The following CRIM1 variants were observed in gnomAD, a reference collection of about 807,000 sequenced individuals.
CRIM1 encodes cysteine-rich motor neuron 1 protein.
Under a neutral mutation model 116.4 loss-of-function variants are expected in CRIM1, and 32 were observed. The observed-to-expected ratio is 0.27, with a 90% CI of 0.21 to 0.37. The LOEUF is 0.37. Ranked by LOEUF, CRIM1 falls within the 10% of genes least tolerant of loss-of-function variation. The probability of loss-of-function intolerance (pLI) is 1.00; values close to 1 mark genes in which losing one functional copy is unlikely to be tolerated. For synonymous variants in CRIM1, 590 were observed against 509.2 expected, an observed-to-expected ratio of 1.16 and a Z score of -2.13; for missense variants, 1,331 against 1,354.8, an observed-to-expected ratio of 0.98 and a Z score of 0.28.
chr2:36,488,133 G>A (rs1170601224), intron 7 of CRIM1, among the ~76,000 whole-genome samples: 18 of 152,202 alleles, frequency 1.2e-4, no homozygotes, highest in Admixed American at 1.2e-3. Context: ...ACTGAAGATA[G>A]TGAAAAATCC....
chr2:36,514,900 GA>G lies in CRIM1; in HGVS notation c.1990+1139del, dbSNP rs1333306963. 5.9e-5 allele frequency among the ~76,000 whole-genome samples: 9 copies of G among 152,208 alleles called. No homozygotes were observed. The South Asian group carries it at 6.2e-4, about 11-fold the overall frequency. The stretch of plus-strand genomic sequence containing the variant: ...TGACAGGCAGCTCCCATACCTTGTA[GA>G]AAACGAGATTACAATGCAGAAGAGA... On this transcript the variant is annotated intron_variant, in intron 11 of 16. Transcript: ENST00000280527.
intron 13 of CRIM1, among the ~76,000 whole-genome samples, chr2:36,525,148 T>G (rs934059711): frequency 6.6e-6 from 1 of 152,214 alleles, no homozygotes; most frequent in African/African-American, 2.4e-5. Context: ...TATTCACTCG[T>G]TCATCTTAAT....
At chr2:36,509,936 G>A in intron 8 of CRIM1, 47 bp from the exon 9 acceptor site, 1 of 1,581,842 alleles carries the variant, frequency 6.3e-7, no homozygotes, top group Non-Finnish European at 8.6e-7. Flanking sequence ...GAAGTGTTCT[G>A]CTCTGTTCAT....
chr2:36,484,771 A>G (rs986698040), intron 7 of CRIM1, among the ~76,000 whole-genome samples: 3 of 152,202 alleles, frequency 2.0e-5, no homozygotes, highest in African/African-American at 7.2e-5. Context: ...CCAACACCAG[A>G]GTATCACTTT....
chr2:36,549,954 C>G lies in CRIM1; in HGVS notation c.*1253C>G, dbSNP rs1225642961. The G allele has an allele frequency of 6.6e-6, 1 of 152,228 alleles. No homozygotes were observed. The highest frequency in any genetic ancestry group is 1.9e-4 in the East Asian group (1 of 5,178). The allele number at this position is 152,228 out of a possible 1,614,324, so 9.4% of individuals were successfully genotyped here. A position where few individuals can be genotyped will look rare whatever the true frequency, so the allele number is the denominator to read the frequency against. On this transcript the variant is annotated 3_prime_UTR_variant, in exon 17 of 17. Coordinates refer to ENST00000280527, the MANE Select transcript of CRIM1 (RefSeq NM_016441.3). ...GATAAACAGGCATTCCATAGCAGTG[C>G]TTTTGATCACTTACAAATTTTTTGA... is the stretch of plus-strand genomic sequence containing the variant.
chr2:36,429,105 G>A (rs1201743764), intron 2 of CRIM1, among the ~76,000 whole-genome samples: 1 of 152,192 alleles, frequency 6.6e-6, no homozygotes, highest in Non-Finnish European at 1.5e-5. Context: ...AAAGCTGAAA[G>A]GAACTTAGGT....
At position 36,396,587 on chromosome 2, in the gene CRIM1, ATTATCTGG is replaced by A; in HGVS notation, c.332-24_332-17del. On this transcript the variant is annotated intron_variant, in intron 1 of 16. Transcript: ENST00000280527. The stretch of plus-strand genomic sequence containing the variant: ...CCTTTGAATGAAGCTGCAAACACAC[ATTATCTGG>A]TTGTTAATTGTTTTACAGATGAGAA... 6.6e-7 allele frequency: 1 copy of A among 1,514,424 alleles called. No individual in the cohort carries two copies. Among genetic ancestry groups the A allele is most frequent in the Non-Finnish European group, 9.0e-7 (1 of 1,114,154 alleles). 93.8% of individuals were successfully genotyped at this position (1,514,424 alleles called of 1,614,324 possible).
chr2:36,388,684 G>A (rs1189426987), intron 1 of CRIM1, among the ~76,000 whole-genome samples: 1 of 152,096 alleles, frequency 6.6e-6, no homozygotes, highest in Non-Finnish European at 1.5e-5. Flanking sequence ...TGCAGTTTAA[G>A]ATGGCCCCTA....
chr2:36,424,470 T>G (rs1379287798), intron 2 of CRIM1, among the ~76,000 whole-genome samples: 1 of 152,112 alleles, frequency 6.6e-6, no homozygotes, highest in Non-Finnish European at 1.5e-5. Flanking sequence ...GGAAGAGCAT[T>G]GTAGGAGATG....
At chr2:36,404,290 C>G (rs981171298) in intron 2 of CRIM1, among the ~76,000 whole-genome samples, 1 of 152,182 alleles carries the variant, frequency 6.6e-6, no homozygotes, top group African/African-American at 2.4e-5. Context: ...TTTATACTCC[C>G]TTGTTCAAAA....
At position 36,384,933 on chromosome 2, in the gene CRIM1, T is replaced by A. The variant is rs573062497; in HGVS notation, c.332-11681T>A. Among the ~76,000 whole-genome samples the A allele has an allele frequency of 6.8e-4, 103 of 152,364 alleles. 1 individual carries two copies. The highest frequency in any genetic ancestry group is 2.4e-3 in the African/African-American group (100 of 41,580). On this transcript the variant is annotated intron_variant, in intron 1 of 16. Transcript: ENST00000280527. ...TTGACATACATGCCAGACTTCCACT[T>A]AAGATGAAACTGGGCAACTAGGAAA...
intron 2 of CRIM1, among the ~76,000 whole-genome samples, chr2:36,403,992 G>C (rs941323560): frequency 1.3e-5 from 2 of 152,068 alleles, no homozygotes; most frequent in Non-Finnish European, 2.9e-5. Context: ...AGGAGTATGA[G>C]CATTTTTAGG....
chr2:36,373,006 T>TA (rs77353524), intron 1 of CRIM1, among the ~76,000 whole-genome samples: 24,971 of 152,126 alleles, frequency 0.16, 2,299 homozygotes, highest in Non-Finnish European at 0.2. Flanking sequence ...TGGCTTCATA[T>TA]AAAAAAAGCT....
intron 6 of CRIM1, among the ~76,000 whole-genome samples, chr2:36,477,914 T>C (rs1251054691): frequency 6.6e-6 from 1 of 152,202 alleles, no homozygotes; most frequent in Non-Finnish European, 1.5e-5. Context: ...ACTGTGTCTA[T>C]AGTGTTCTTC....
At chr2:36,381,702 G>T (rs900255694) in intron 1 of CRIM1, among the ~76,000 whole-genome samples, 1 of 152,180 alleles carries the variant, frequency 6.6e-6, no homozygotes, top group Non-Finnish European at 1.5e-5. Context: ...CAGGAGAATT[G>T]CCTGAACCGG....
intron 2 of CRIM1, among the ~76,000 whole-genome samples, chr2:36,405,967 G>A (rs1037111111): frequency 6.6e-6 from 1 of 152,074 alleles, no homozygotes; most frequent in Non-Finnish European, 1.5e-5. Flanking sequence ...CTTTTCATAG[G>A]TTTACCCATT....
chr2:36,494,487 T>C (rs534499438), intron 7 of CRIM1, among the ~76,000 whole-genome samples: 113 of 152,308 alleles, frequency 7.4e-4, no homozygotes, highest in African/African-American at 2.6e-3. Flanking sequence ...TCTTTCAAAA[T>C]TTTGTTTTCT....
intron 8 of CRIM1, among the ~76,000 whole-genome samples, chr2:36,508,914 G>A (rs1005875440): frequency 1.3e-5 from 2 of 149,594 alleles, no homozygotes; most frequent in African/African-American, 5.1e-5. Context: ...TTCTGCTAAC[G>A]GGATACTTTG....
intron 5 of CRIM1, among the ~76,000 whole-genome samples, chr2:36,465,738 C>G (rs1370510175): frequency 6.6e-6 from 1 of 152,174 alleles, no homozygotes; most frequent in Non-Finnish European, 1.5e-5. Context: ...GTCCTCCACT[C>G]ACTAGCTGAG....
Sources: gnomAD v4.1 joint callset for allele counts (sites outside exome capture counted in the v4.1 genomes callset) on GRCh38, gnomAD v4.1.1 for gene constraint, MANE v1.5 for transcripts, NCBI Gene and HGNC (gene_info 2026-07-23, HGNC 2026-07-21) for gene names.